The following TNRC6C variants were observed in gnomAD, a reference collection of about 807,000 sequenced individuals.
TNRC6C encodes the protein trinucleotide repeat containing adaptor 6C.
In TNRC6C, 20 loss-of-function variants were observed where a neutral mutation model predicts 153.7. The observed-to-expected ratio is 0.13, with a 90% CI of 0.09 to 0.19. TNRC6C has a LOEUF of 0.19. TNRC6C is among the 10% of genes least tolerant of loss of function. The pLI, the probability that TNRC6C is intolerant of heterozygous loss-of-function variation, is 1.00. For synonymous variants in TNRC6C, 811 were observed against 841.4 expected (o/e 0.96, Z 0.63); for missense variants, 1,987 against 2,172.0 (o/e 0.91, Z 1.69).
upstream of TNRC6C, among the ~76,000 whole-genome samples, chr17:77,958,358 G>C (rs912310508): frequency 1.3e-5 from 2 of 151,932 alleles, no homozygotes; most frequent in Non-Finnish European, 2.9e-5. Context: ...TAACCCCCCC[G>C]AGCAGTGCAA....
At chr17:78,051,500 C>T (rs1025040176) in intron 3 of TNRC6C, 52 bp downstream of exon 5, 17 of 996,774 alleles carry the variant, frequency 1.7e-5, no homozygotes, top group Middle Eastern at 4.9e-4. Flanking sequence ...AAAAAAAAAG[C>T]TTATTCTCAT....
chr17:77,983,905 T>C (rs1455742794), intron 1 of TNRC6C, among the ~76,000 whole-genome samples: 1 of 152,242 alleles, frequency 6.6e-6, no homozygotes, highest in African/African-American at 2.4e-5. Flanking sequence ...CTGTTCGGAC[T>C]GCAGCTCCTC....
chr17:78,000,567 T>A (rs1456915470), upstream of TNRC6C, among the ~76,000 whole-genome samples: 1 of 140,866 alleles, frequency 7.1e-6, no homozygotes, highest in Non-Finnish European at 1.5e-5. Context: ...TTAGTCAGTT[T>A]CAAAATAGTG....
exon 16 of TNRC6C, chr17:78,093,735 T>A: frequency 6.2e-7 from 1 of 1,613,984 alleles, no homozygotes; most frequent in South Asian, 1.1e-5. Context: ...CCATCCAGGA[T>A]GTCAACCGCT....
intron 5 of TNRC6C, among the ~76,000 whole-genome samples, chr17:78,069,146 T>A (rs528834487): frequency 6.6e-6 from 1 of 151,918 alleles, no homozygotes; most frequent in African/African-American, 2.4e-5. Flanking sequence ...TGGAAAAATA[T>A]GTTTATAACT....
chr17:77,983,622 G>C (rs545239131), intron 1 of TNRC6C, among the ~76,000 whole-genome samples: 32 of 152,252 alleles, frequency 2.1e-4, no homozygotes, highest in African/African-American at 7.2e-4. Flanking sequence ...TTCTAATTGA[G>C]GTCACAAGAC....
intron 1 of TNRC6C, among the ~76,000 whole-genome samples, chr17:77,978,512 G>T (rs2071032636): frequency 6.6e-6 from 1 of 152,132 alleles, no homozygotes; most frequent in African/African-American, 2.4e-5. Flanking sequence ...AAGCTACTAG[G>T]ACACTGAAGA....
chr17:77,965,920 T>A (rs2070893443), intron 1 of TNRC6C, among the ~76,000 whole-genome samples: 1 of 152,220 alleles, frequency 6.6e-6, no homozygotes, highest in Non-Finnish European at 1.5e-5. Flanking sequence ...TTTCCCTTCA[T>A]ACCACTTTTT....
intron 3 of TNRC6C, among the ~76,000 whole-genome samples, chr17:78,063,044 G>T (rs1007580959): frequency 6.6e-6 from 1 of 151,888 alleles, no homozygotes; most frequent in East Asian, 1.9e-4. Flanking sequence ...TCAGGAGTTC[G>T]AGACCAGCCT....
intron 3 of TNRC6C, among the ~76,000 whole-genome samples, chr17:78,055,411 G>A (rs1399737623): frequency 6.6e-6 from 1 of 152,182 alleles, no homozygotes; most frequent in Non-Finnish European, 1.5e-5. Context: ...TCAGTTGTGT[G>A]TGCTAGACCT....
At chr17:78,082,608 G>A (rs2073201686) in intron 10 of TNRC6C, among the ~76,000 whole-genome samples, 1 of 152,228 alleles carries the variant, frequency 6.6e-6, no homozygotes, top group Admixed American at 6.5e-5. Context: ...ACCTAGAAGA[G>A]CTGTGGCAAG....
chr17:77,999,535 C>A (rs1598664729), upstream of TNRC6C, among the ~76,000 whole-genome samples: 1 of 152,132 alleles, frequency 6.6e-6, no homozygotes, highest in African/African-American at 2.4e-5. Flanking sequence ...CTGGCATAAT[C>A]CATCTTGCCC....
At chr17:77,980,819 A>C (rs1386793068) in intron 1 of TNRC6C, among the ~76,000 whole-genome samples, 2 of 152,204 alleles carry the variant, frequency 1.3e-5, no homozygotes, top group Non-Finnish European at 2.9e-5. Context: ...AAAGGATATT[A>C]TGAAGGAAAC....
At chr17:77,977,968 TCACTG>T (rs1457704330) in intron 1 of TNRC6C, among the ~76,000 whole-genome samples, 2 of 146,314 alleles carry the variant, frequency 1.4e-5, no homozygotes, top group African/African-American at 2.6e-5. Flanking sequence ...CAATCTCGGC[TCACTG>T]CAAGCTCTGC....
exon 3 of TNRC6C, chr17:78,050,182 A>G (rs1034648374): frequency 3.9e-6 from 6 of 1,557,064 alleles, no homozygotes; most frequent in South Asian, 1.2e-5. Context: ...CCAGAACCCT[A>G]CCGTACAGCC....
intron 16 of TNRC6C, among the ~76,000 whole-genome samples, chr17:78,095,325 A>T (rs1221322639): frequency 6.6e-6 from 1 of 152,212 alleles, no homozygotes; most frequent in Non-Finnish European, 1.5e-5. Context: ...CCAGCTCCAT[A>T]GCCTGCCCAG....
At chr17:78,067,481 T>C (rs2072905267) in intron 4 of TNRC6C, among the ~76,000 whole-genome samples, 1 of 152,164 alleles carries the variant, frequency 6.6e-6, no homozygotes, top group South Asian at 2.1e-4. Flanking sequence ...TCTTAGCATG[T>C]TTATGTTTCA....
At chr17:77,999,481 C>T (rs910460752), upstream of TNRC6C, among the ~76,000 whole-genome samples, 4 of 151,986 alleles carry the variant, frequency 2.6e-5, no homozygotes, top group Non-Finnish European at 5.9e-5. Flanking sequence ...TGTCCAGTTT[C>T]GTTGTTGTTG....
At chr17:78,093,037 C>T in exon 15 of TNRC6C, 1 of 1,613,842 alleles carries the variant, frequency 6.2e-7, no homozygotes, top group Non-Finnish European at 8.5e-7. Context: ...ACCAGCCAGT[C>T]CTCCCGTAGC....
Sources: gnomAD v4.1 joint callset for allele counts (sites outside exome capture counted in the v4.1 genomes callset) on GRCh38, gnomAD v4.1.1 for gene constraint, MANE v1.5 for transcripts, NCBI Gene and HGNC (gene_info 2026-07-23, HGNC 2026-07-21) for gene names.